Variants in PID1 observed in about 807,000 individuals in gnomAD.
The protein encoded by PID1 is phosphotyrosine interaction domain containing 1, also known as PTB-containing, cubilin and LRP1-interacting protein.
In PID1, 10 loss-of-function variants were observed where a neutral mutation model predicts 19.1. The observed-to-expected ratio is 0.52, with a 90% CI of 0.32 to 0.89. The LOEUF is 0.89. Ranked by LOEUF, PID1 falls within the 40% of genes least tolerant of loss-of-function variation. PID1 has a pLI of 0.03. For missense variants in PID1, 248 were observed against 285.3 expected (o/e 0.87, Z 0.94); for synonymous variants, 130 against 116.0 (o/e 1.12, Z -0.78).
At chr2:229,147,837 T>C (rs1260985890) in intron 2 of PID1, among the ~76,000 whole-genome samples, 5 of 152,242 alleles carry the variant, frequency 3.3e-5, no homozygotes, top group African/African-American at 4.8e-5. Context: ...TGGGCTTTAA[T>C]GTCAAATCTG....
chr2:229,115,835 C>G (rs558364146), intron 2 of PID1, among the ~76,000 whole-genome samples: 1 of 152,282 alleles, frequency 6.6e-6, no homozygotes, highest in South Asian at 2.1e-4. Flanking sequence ...TGGTTTTCTA[C>G]TGCCCCAAAA....
At chr2:229,075,369 G>A (rs1301945863) in intron 2 of PID1, among the ~76,000 whole-genome samples, 1 of 152,048 alleles carries the variant, frequency 6.6e-6, no homozygotes, top group East Asian at 1.9e-4. Context: ...AAAATATACT[G>A]GTATACATAA....
intron 2 of PID1, among the ~76,000 whole-genome samples, chr2:229,053,585 C>A (rs533921931): frequency 6.6e-6 from 1 of 152,200 alleles, no homozygotes; most frequent in African/African-American, 2.4e-5. Context: ...CCAGCAAGCC[C>A]GAGGAACAGC....
At chr2:229,197,743 T>G (rs923082392) in intron 1 of PID1, among the ~76,000 whole-genome samples, 1 of 152,144 alleles carries the variant, frequency 6.6e-6, no homozygotes, top group Non-Finnish European at 1.5e-5. Context: ...TTTCTGAGAT[T>G]CACAGCATGG....
chr2:229,075,629 T>A (rs1248096773), intron 2 of PID1, among the ~76,000 whole-genome samples: 1 of 152,064 alleles, frequency 6.6e-6, no homozygotes, highest in African/African-American at 2.4e-5. Context: ...GACTAAATGC[T>A]GCTCTACACA....
chr2:229,270,583 A>T (rs1690707401), intron 1 of PID1, among the ~76,000 whole-genome samples: 1 of 149,310 alleles, frequency 6.7e-6, no homozygotes, highest in South Asian at 2.1e-4. Flanking sequence ...TGATATTTCC[A>T]CATTATATTG....
At chr2:229,251,852 G>A (rs547850261) in intron 1 of PID1, among the ~76,000 whole-genome samples, 3 of 148,294 alleles carry the variant, frequency 2.0e-5, no homozygotes, top group South Asian at 2.1e-4. Flanking sequence ...TCCTTGGATC[G>A]AAATAAGTCC....
chr2:229,036,205 T>C (rs139110000), intron 2 of PID1, among the ~76,000 whole-genome samples: 176 of 152,262 alleles, frequency 1.2e-3, no homozygotes, highest in Middle Eastern at 6.8e-3. Context: ...ATAAAGGCAG[T>C]TGAAACCCTC....
chr2:229,046,115 G>A (rs1027396950), intron 2 of PID1, among the ~76,000 whole-genome samples: 3 of 151,998 alleles, frequency 2.0e-5, no homozygotes, highest in African/African-American at 7.3e-5. Flanking sequence ...CGAACCCCCC[G>A]ACTCTGCTGG....
intron 1 of PID1, among the ~76,000 whole-genome samples, chr2:229,224,737 G>C (rs1288879570): frequency 2.0e-5 from 3 of 151,622 alleles, no homozygotes; most frequent in African/African-American, 7.3e-5. Flanking sequence ...TTTTCCATTT[G>C]GTTTGGGGTT....
chr2:229,031,985 C>T (rs193239508), intron 2 of PID1, among the ~76,000 whole-genome samples: 212 of 152,148 alleles, frequency 1.4e-3, no homozygotes, highest in Admixed American at 4.0e-3. Flanking sequence ...TTTTTGTATA[C>T]GGTTTAATAG....
chr2:229,222,097 A>G (rs923375311), intron 1 of PID1, among the ~76,000 whole-genome samples: 12 of 152,234 alleles, frequency 7.9e-5, no homozygotes, highest in African/African-American at 2.9e-4. Context: ...TAACATTTTC[A>G]ATGGCTTTCC....
intron 1 of PID1, among the ~76,000 whole-genome samples, chr2:229,241,298 C>A (rs1689860862): frequency 6.6e-6 from 1 of 152,076 alleles, no homozygotes; most frequent in African/African-American, 2.4e-5. Flanking sequence ...ACTCTGTATT[C>A]TGTTCTCATT....
chr2:229,139,029 A>G (rs1474142388), intron 2 of PID1, among the ~76,000 whole-genome samples: 15 of 76,268 alleles, frequency 2.0e-4, no homozygotes, highest in African/African-American at 7.5e-4. Flanking sequence ...GAAAGAAAGA[A>G]AGAAAGAAAG....
intron 2 of PID1, among the ~76,000 whole-genome samples, chr2:229,065,002 G>A (rs1369963328): frequency 6.6e-6 from 1 of 152,126 alleles, no homozygotes; most frequent in Non-Finnish European, 1.5e-5. Context: ...CCTTTTAAGT[G>A]AGGCAGGCTC....
chr2:229,079,724 A>G (rs973597849), intron 2 of PID1, among the ~76,000 whole-genome samples: 1 of 152,326 alleles, frequency 6.6e-6, no homozygotes, highest in African/African-American at 2.4e-5. Context: ...GATGAGACCA[A>G]TCTTTCTCTG....
chr2:229,203,679 G>A (rs1470482393), intron 1 of PID1, among the ~76,000 whole-genome samples: 1 of 152,048 alleles, frequency 6.6e-6, no homozygotes, highest in East Asian at 1.9e-4. Flanking sequence ...TCAAGGGACG[G>A]AAATGTGAGC....
At chr2:229,187,735 G>T (rs183590916) in intron 1 of PID1, among the ~76,000 whole-genome samples, 1 of 152,064 alleles carries the variant, frequency 6.6e-6, no homozygotes, top group South Asian at 2.1e-4. Flanking sequence ...ATTTCCCCTG[G>T]CTAAAAACAA....
chr2:229,086,471 A>T (rs1008826104), intron 2 of PID1, among the ~76,000 whole-genome samples: 1 of 152,222 alleles, frequency 6.6e-6, no homozygotes, highest in African/African-American at 2.4e-5. Flanking sequence ...TACTGAAGCC[A>T]TATTGCTTTT....
Sources: gnomAD v4.1 joint callset for allele counts (sites outside exome capture counted in the v4.1 genomes callset) on GRCh38, gnomAD v4.1.1 for gene constraint, MANE v1.5 for transcripts, NCBI Gene and HGNC (gene_info 2026-07-23, HGNC 2026-07-21) for gene names.